PLA2G4E: variants seen among roughly 807,000 people sequenced by gnomAD.
The protein encoded by PLA2G4E is cytosolic phospholipase A2 epsilon.
Under a neutral mutation model 109.1 loss-of-function variants are expected in PLA2G4E, and 84 were observed. That is an observed-to-expected ratio of 0.77 (90% CI 0.65 to 0.92). The LOEUF is 0.92. Among genes scored for constraint, PLA2G4E ranks in the 40% least tolerant of loss-of-function variants. PLA2G4E has a pLI of 0.00. For missense variants in PLA2G4E, 1,057 were observed against 1,076.6 expected (o/e 0.98, Z 0.25); for synonymous variants, 469 against 436.1 (o/e 1.08, Z -0.94).
exon 3 of PLA2G4E, chr15:42,007,756 G>A: frequency 1.2e-6 from 2 of 1,612,768 alleles, no homozygotes; most frequent in Non-Finnish European, 1.7e-6. Flanking sequence ...TCTGGAAGTT[G>A]AAGCTTTCAT....
intron 2 of PLA2G4E, among the ~76,000 whole-genome samples, chr15:42,013,081 G>T (rs905108629): frequency 1.3e-5 from 2 of 152,232 alleles, no homozygotes; most frequent in African/African-American, 2.4e-5. Flanking sequence ...CTGGGATGAG[G>T]GGGGAGGTTA....
At chr15:42,004,876 C>T (rs1014079738) in intron 5 of PLA2G4E, 62 bp downstream of exon 5, 11 of 1,586,962 alleles carry the variant, frequency 6.9e-6, no homozygotes, top group South Asian at 2.3e-5. Context: ...CTGAAATGCT[C>T]GTTCCCAGAA....
intron 5 of PLA2G4E, 61 bp downstream of exon 5, chr15:42,004,877 G>A (rs372826734): frequency 3.5e-5 from 55 of 1,588,680 alleles, no homozygotes; most frequent in African/African-American, 2.3e-4. Flanking sequence ...TGAAATGCTC[G>A]TTCCCAGAAG....
intron 2 of PLA2G4E, among the ~76,000 whole-genome samples, chr15:42,012,100 T>C (rs2068542258): frequency 6.6e-6 from 1 of 152,172 alleles, no homozygotes; most frequent in Admixed American, 6.5e-5. Flanking sequence ...AGAGGCTCTG[T>C]CTCTGGAATC....
chr15:42,001,142 G>A lies in PLA2G4E; in HGVS notation c.673+15C>T, dbSNP rs898951761. 4 of 1,609,900 alleles carry A rather than the reference G, an allele frequency of 2.5e-6. No individual in the cohort carries two copies. Among genetic ancestry groups the A allele is most frequent in the Non-Finnish European group, 2.6e-6 (3 of 1,176,432 alleles). On this transcript the variant is annotated intron_variant, in intron 7 of 19. Coordinates refer to ENST00000399518, the Ensembl canonical transcript of PLA2G4E. ...CCCTTGTCCCCCAGTAGGCAGAAAA[G>A]GCAAAACAGCTCACTTTTCTCCCTC...
chr15:42,017,729 A>C (rs1157713020), intron 1 of PLA2G4E, among the ~76,000 whole-genome samples: 1 of 152,170 alleles, frequency 6.6e-6, no homozygotes, highest in East Asian at 1.9e-4. Context: ...CTTTTCACTC[A>C]GCGCTCCCCC....
exon 4 of PLA2G4E, chr15:42,006,042 G>A (rs1447345717): frequency 4.3e-6 from 7 of 1,613,866 alleles, no homozygotes; most frequent in Middle Eastern, 1.6e-4. Context: ...ACAGAGCTTG[G>A]TGAGGTCATA....
chr15:42,024,470 G>A (rs1490662789), intron 1 of PLA2G4E, among the ~76,000 whole-genome samples: 1 of 152,194 alleles, frequency 6.6e-6, no homozygotes, highest in Non-Finnish European at 1.5e-5. Context: ...CGCCAGGCTT[G>A]TTACCTGACA....
intron 6 of PLA2G4E, among the ~76,000 whole-genome samples, chr15:42,001,816 T>C (rs913455916): frequency 1.3e-5 from 2 of 152,124 alleles, no homozygotes; most frequent in South Asian, 2.1e-4. Context: ...CTCAGCCTCC[T>C]GAGTAGCTGG....
At chr15:41,998,648 G>A (rs1057422790) in intron 10 of PLA2G4E, 8 of 152,230 alleles carry the variant, frequency 5.3e-5, no homozygotes, top group African/African-American at 1.7e-4. Context: ...GCCAAAGAAC[G>A]AGGTTGAGCC....
At chr15:42,015,123 G>T (rs1265388302) in intron 1 of PLA2G4E, among the ~76,000 whole-genome samples, 1 of 152,202 alleles carries the variant, frequency 6.6e-6, no homozygotes, top group African/African-American at 2.4e-5. Flanking sequence ...TGGGGCAGTG[G>T]CTGTGGTTCC....
intron 11 of PLA2G4E, 52 bp downstream of exon 11, chr15:41,997,072 G>A: frequency 1.4e-6 from 2 of 1,479,636 alleles, no homozygotes; most frequent in South Asian, 2.7e-5. Context: ...GGGAGGGCAT[G>A]GTGCTGGAAG....
At chr15:42,049,512 G>A (rs113358554) in intron 1 of PLA2G4E, among the ~76,000 whole-genome samples, 20 of 152,274 alleles carry the variant, frequency 1.3e-4, no homozygotes, top group African/African-American at 1.9e-4. Context: ...ATGGAGGACC[G>A]GGTCATCCCC....
At chr15:42,044,723 G>C (rs1396074017) in intron 1 of PLA2G4E, among the ~76,000 whole-genome samples, 1 of 151,672 alleles carries the variant, frequency 6.6e-6, no homozygotes, top group Non-Finnish European at 1.5e-5. Context: ...AACGTGGCAC[G>C]TGTATACATA....
chr15:41,997,416 G>A lies in PLA2G4E; in HGVS notation c.975-157C>T, dbSNP rs182069164. ...CACTTTCCCATCTGTAAAGTGGGGC[G>A]AATCGTGCTGAACTCTCAGCACTGT... On this transcript the variant is annotated intron_variant, in intron 10 of 19. Transcript: ENST00000399518. 1.1e-3 allele frequency: 858 copies of A among 752,082 alleles called. 6 individuals are homozygous for A. The African/African-American group carries it at 0.014, about 12-fold the overall frequency. The allele number at this position is 752,082 out of a possible 1,614,324, so 46.6% of individuals were successfully genotyped here.
chr15:41,989,285 A>T, intron 15 of PLA2G4E, 130 bp downstream of exon 15: 2 of 1,301,066 alleles, frequency 1.5e-6, no homozygotes, highest in Non-Finnish European at 1.0e-6. Context: ...GTCCCCAGTG[A>T]CTTGGGACCA....
chr15:42,037,490 C>T (rs758943892), intron 1 of PLA2G4E, among the ~76,000 whole-genome samples: 4 of 152,226 alleles, frequency 2.6e-5, no homozygotes, highest in Middle Eastern at 3.2e-3. Context: ...CTCCTCTGAG[C>T]TGTTCTATTG....
At chr15:42,043,806 TAGTACTGATTTCAC>T (rs957638785) in intron 1 of PLA2G4E, among the ~76,000 whole-genome samples, 41 of 152,316 alleles carry the variant, frequency 2.7e-4, no homozygotes, top group African/African-American at 9.6e-4. Context: ...ATGGAGTTAA[TAGTACTGATTTCAC>T]AGGATTGTTG....
intron 5 of PLA2G4E, among the ~76,000 whole-genome samples, chr15:42,004,344 GAA>G (rs1165184962): frequency 1.4e-5 from 2 of 147,880 alleles, no homozygotes; most frequent in African/African-American, 4.9e-5. Flanking sequence ...GAAAGGGAAA[GAA>G]AGAGAGAGGG....
Sources: allele counts gnomAD v4.1 joint callset (sites outside exome capture counted in the v4.1 genomes callset), GRCh38; gene constraint gnomAD v4.1.1; transcripts MANE v1.5; gene names NCBI Gene and HGNC (gene_info 2026-07-23, HGNC 2026-07-21).